BCAR3: variants seen among roughly 807,000 people sequenced by gnomAD.
The protein encoded by BCAR3 is breast cancer anti-estrogen resistance protein 3.
Under a neutral mutation model 80.1 loss-of-function variants are expected in BCAR3, and 37 were observed. The observed-to-expected ratio is 0.46, with a 90% CI of 0.36 to 0.61. The LOEUF is 0.61. BCAR3 is among the 20% of genes least tolerant of loss of function. The pLI is 0.00. For synonymous variants in BCAR3, 389 were observed against 418.9 expected (o/e 0.93, Z 0.87); for missense variants, 978 against 1,068.2 (o/e 0.92, Z 1.18).
Position 93,730,674 on chromosome 1 carries a change from C to T in BCAR3, c.-62-24532G>A, listed in dbSNP as rs564823670. ...TGGCACCAACCTGGCAAAATCCACA[C>T]ATCCAGCACCACTGACCTTTTAGTA... On this transcript the variant is annotated intron_variant, in intron 2 of 13. Coordinates refer to the BCAR3 transcript ENST00000370244. Among the ~76,000 whole-genome samples the T allele has an allele frequency of 5.3e-5, 8 of 152,330 alleles. No individual in the cohort carries two copies. The East Asian group carries it at 1.5e-3, about 29-fold the overall frequency.
At chr1:93,650,950 A>C (rs750612961) in intron 2 of BCAR3, among the ~76,000 whole-genome samples, 1 of 152,234 alleles carries the variant, frequency 6.6e-6, no homozygotes, top group Non-Finnish European at 1.5e-5. Flanking sequence ...ATTAAAAACC[A>C]TGAATGAAAG....
intron 11 of BCAR3, among the ~76,000 whole-genome samples, chr1:93,564,290 CTTTTTTTTTTTTT>C (rs35780346): frequency 9.6e-6 from 1 of 103,730 alleles, no homozygotes; most frequent in African/African-American, 3.5e-5. Flanking sequence ...TTCTTTCTTT[CTTTTTTTTTTTTT>C]TTTTTTTTGA....
chr1:93,572,346 G>A (rs946574711), intron 8 of BCAR3, among the ~76,000 whole-genome samples: 1 of 152,198 alleles, frequency 6.6e-6, no homozygotes, highest in African/African-American at 2.4e-5. Flanking sequence ...AACAAAGGCA[G>A]GAAAGAGGAG....
chr1:93,634,203 T>G (rs1190412521), intron 3 of BCAR3, among the ~76,000 whole-genome samples: 1 of 152,234 alleles, frequency 6.6e-6, no homozygotes, highest in African/African-American at 2.4e-5. Flanking sequence ...CCTTTGAGAC[T>G]GTCTACTTTC....
At chr1:93,759,067 C>G (rs1651844624) in intron 2 of BCAR3, among the ~76,000 whole-genome samples, 1 of 152,162 alleles carries the variant, frequency 6.6e-6, no homozygotes, top group South Asian at 2.1e-4. Context: ...CAGTCATTAT[C>G]CCCAAACTAA....
chr1:93,592,645 T>C lies in BCAR3; in HGVS notation c.358-252A>G. The C allele has an allele frequency of 2.5e-6, 1 of 394,346 alleles. No homozygotes were observed. Among genetic ancestry groups the C allele is most frequent in the Non-Finnish European group, 4.6e-6 (1 of 219,268 alleles). 24.4% of individuals were successfully genotyped at this position (394,346 alleles called of 1,614,324 possible). On this transcript the variant is annotated intron_variant, in intron 3 of 11. Coordinates refer to ENST00000260502, the MANE Select transcript of BCAR3 (RefSeq NM_003567.4). This position sits in a 1 kb window ranked among gnomAD's most constrained non-coding sequence, Gnocchi z 4.8. ...CAAGAGGTTCCTTTTACCAGTCTAC[T>C]CAAGCAGCTGGGCAGGAAGGGCCAG... is the stretch of plus-strand genomic sequence containing the variant.
chr1:93,730,477 T>C (rs2100682665), intron 2 of BCAR3, among the ~76,000 whole-genome samples: 1 of 152,372 alleles, frequency 6.6e-6, no homozygotes. Context: ...CAGAGTGCTG[T>C]ACATTTGTGG....
At chr1:93,694,793 T>C (rs1015794809) in intron 3 of BCAR3, among the ~76,000 whole-genome samples, 1 of 152,210 alleles carries the variant, frequency 6.6e-6, no homozygotes, top group Non-Finnish European at 1.5e-5. Flanking sequence ...ACTCCTCCTG[T>C]TGTAATCCAC....
chr1:93,687,629 CA>C (rs1311623179), intron 3 of BCAR3, among the ~76,000 whole-genome samples: 1 of 152,166 alleles, frequency 6.6e-6, no homozygotes, highest in Non-Finnish European at 1.5e-5. Flanking sequence ...TTAAATATTG[CA>C]ACCCTGGGTT....
At chr1:93,579,355 C>T (rs1673606594) in intron 7 of BCAR3, among the ~76,000 whole-genome samples, 1 of 152,218 alleles carries the variant, frequency 6.6e-6, no homozygotes, top group African/African-American at 2.4e-5. Context: ...AGGAAGATAA[C>T]ATGGAAATGG....
chr1:93,803,792 C>A (rs971019445), intron 2 of BCAR3, among the ~76,000 whole-genome samples: 6 of 152,176 alleles, frequency 3.9e-5, no homozygotes, highest in Non-Finnish European at 2.9e-5. Context: ...GAGAAGGCGT[C>A]CCCAGATGGG....
At chr1:93,747,286 T>TACTCAC (rs1557674340) in intron 2 of BCAR3, among the ~76,000 whole-genome samples, 1 of 152,034 alleles carries the variant, frequency 6.6e-6, no homozygotes, top group African/African-American at 2.4e-5. Context: ...TGGTAGGCTC[T>TACTCAC]GTTCAGGTGA....
At chr1:93,708,412 C>T (rs1183791133) in intron 2 of BCAR3, among the ~76,000 whole-genome samples, 1 of 152,112 alleles carries the variant, frequency 6.6e-6, no homozygotes, top group Non-Finnish European at 1.5e-5. Context: ...TTGGTTTTGC[C>T]TGTTTTTCTC....
At chr1:93,832,358 G>T (rs1172093074) in intron 2 of BCAR3, among the ~76,000 whole-genome samples, 1 of 152,144 alleles carries the variant, frequency 6.6e-6, no homozygotes, top group Non-Finnish European at 1.5e-5. Flanking sequence ...CTGGCCACTG[G>T]GCCAAGGAAT....
chr1:93,785,997 T>C (rs1467027279), intron 2 of BCAR3, among the ~76,000 whole-genome samples: 7 of 116,794 alleles, frequency 6.0e-5, no homozygotes, highest in Admixed American at 8.8e-5. Flanking sequence ...ATCAAGACCA[T>C]CCTGGCTAAC....
At chr1:93,647,573 G>A (rs756348020) in intron 2 of BCAR3, among the ~76,000 whole-genome samples, 8 of 152,020 alleles carry the variant, frequency 5.3e-5, no homozygotes, top group Non-Finnish European at 1.2e-4. Flanking sequence ...AAAGTTCTAC[G>A]GGACAGTGAT....
intron 2 of BCAR3, among the ~76,000 whole-genome samples, chr1:93,830,290 GTCTCTAC>G (rs1654512936): frequency 2.0e-5 from 3 of 152,280 alleles, no homozygotes; most frequent in Admixed American, 2.0e-4. Context: ...GTGAAACCCT[GTCTCTAC>G]TAAAAATACA....
At chr1:93,669,130 T>G (rs892779264) in intron 2 of BCAR3, among the ~76,000 whole-genome samples, 1 of 152,206 alleles carries the variant, frequency 6.6e-6, no homozygotes, top group Non-Finnish European at 1.5e-5. Context: ...TGTTTGCATG[T>G]GGACCTTCGC....
intron 2 of BCAR3, among the ~76,000 whole-genome samples, chr1:93,660,401 G>A (rs1182992461): frequency 6.6e-6 from 1 of 152,190 alleles, no homozygotes; most frequent in African/African-American, 2.4e-5. Context: ...CTCTGAACAT[G>A]TTTAAAATAC....
Sources: allele counts gnomAD v4.1 joint callset (sites outside exome capture counted in the v4.1 genomes callset), GRCh38; gene constraint gnomAD v4.1.1; non-coding constraint Gnocchi (gnomAD v3.1); transcripts MANE v1.5; gene names NCBI Gene and HGNC (gene_info 2026-07-23, HGNC 2026-07-21).